HFM1: variants seen among roughly 807,000 people sequenced by gnomAD.
HFM1 encodes probable ATP-dependent DNA helicase HFM1.
In HFM1, 169 loss-of-function variants were observed where a neutral mutation model predicts 192.1. That is an observed-to-expected ratio of 0.88 (90% CI 0.78 to 1.00). The LOEUF (loss-of-function observed/expected upper bound fraction) is 1.00, where lower values mean the gene tolerates loss of function less well. Among genes scored for constraint, HFM1 ranks in the 50% least tolerant of loss-of-function variants. The probability of loss-of-function intolerance (pLI) is 0.00; values close to 1 mark genes in which losing one functional copy is unlikely to be tolerated. For missense variants in HFM1, 1,661 were observed against 1,668.0 expected (o/e 1.00, Z 0.07); for synonymous variants, 525 against 537.8 (o/e 0.98, Z 0.33).
chr1:91,359,150 GAGAA>G (rs1451854689), intron 13 of HFM1, among the ~76,000 whole-genome samples: 3 of 152,252 alleles, frequency 2.0e-5, no homozygotes, highest in African/African-American at 7.2e-5. Context: ...CCACAAAGAT[GAGAA>G]AGAGTCAACG....
At chr1:91,310,017 T>C (rs1025944486) in intron 30 of HFM1, among the ~76,000 whole-genome samples, 10 of 151,870 alleles carry the variant, frequency 6.6e-5, no homozygotes, top group Non-Finnish European at 1.3e-4. Flanking sequence ...GAACAGCATA[T>C]TACTCTGCAT....
chr1:91,396,320 C>A lies in HFM1; in HGVS notation c.157G>T (p.Glu53Ter). ...SEIPDTQELE[E>*]ELESHKLLGQ... ...AACAGTTTATGACTTTCTAATTCTT[C>A]CTCTAACTCCTGAGTATCTGGAATT... The change falls in exon 3 of 39, where the codon GAA becomes TAA. Residue 53 changes from glutamate (E) to a stop codon, truncating the protein, a stop_gained. Coordinates refer to ENST00000370425, the MANE Select transcript of HFM1 (RefSeq NM_001017975.6). LOFTEE classifies it high-confidence loss of function. The A allele has an allele frequency of 6.3e-7, 1 of 1,582,746 alleles. No individual in the cohort carries two copies. The highest frequency in any genetic ancestry group is 8.7e-7 in the Non-Finnish European group (1 of 1,155,748).
chr1:91,386,374 G>A (rs1662220038), intron 4 of HFM1, among the ~76,000 whole-genome samples: 1 of 152,202 alleles, frequency 6.6e-6, no homozygotes, highest in Non-Finnish European at 1.5e-5. Flanking sequence ...ACCTTGAAGA[G>A]AGACCTGATA....
chr1:91,261,406 T>C, intron 38 of HFM1, 47 bp from the exon 39 acceptor site: 1 of 865,208 alleles, frequency 1.2e-6, no homozygotes, highest in Non-Finnish European at 1.6e-6. Flanking sequence ...TTAACACAAT[T>C]TATTTTAAAA....
chr1:91,324,642 T>A, intron 21 of HFM1, 33 bp downstream of exon 21: 1 of 928,756 alleles, frequency 1.1e-6, no homozygotes, highest in Admixed American at 1.9e-5. Context: ...ACTATACCAC[T>A]ATGTATTTTT....
intron 2 of HFM1, among the ~76,000 whole-genome samples, chr1:91,397,407 A>AT (rs1023240279): frequency 1.3e-5 from 2 of 152,206 alleles, no homozygotes; most frequent in African/African-American, 4.8e-5. Context: ...GGACAAAAAG[A>AT]TAAGTGTTAG....
chr1:91,342,058 T>C (rs1439715884), intron 20 of HFM1, among the ~76,000 whole-genome samples: 2 of 147,648 alleles, frequency 1.4e-5, no homozygotes, highest in East Asian at 4.0e-4. Context: ...TCCAAAAATT[T>C]GAGGAGGGAC....
At chr1:91,307,497 G>C (rs1359797749) in intron 30 of HFM1, among the ~76,000 whole-genome samples, 1 of 152,034 alleles carries the variant, frequency 6.6e-6, no homozygotes, top group African/African-American at 2.4e-5. Flanking sequence ...CTGTTACCCA[G>C]GCTGGAGTGC....
chr1:91,354,529 A>G (rs905576791), intron 13 of HFM1, among the ~76,000 whole-genome samples: 1 of 152,104 alleles, frequency 6.6e-6, no homozygotes, highest in Non-Finnish European at 1.5e-5. Flanking sequence ...AAAGGTCCTC[A>G]CTGAGGCACA....
chr1:91,401,867 A>T (rs2102219497), intron 1 of HFM1, among the ~76,000 whole-genome samples: 1 of 152,194 alleles, frequency 6.6e-6, no homozygotes, highest in East Asian at 1.9e-4. Context: ...AGCATTGGCC[A>T]CCTTTGAACA....
At chr1:91,274,834 C>A in intron 32 of HFM1, 25 bp from the exon 33 acceptor site, 2 of 1,236,574 alleles carry the variant, frequency 1.6e-6, no homozygotes, top group South Asian at 1.3e-5. Context: ...AAAATAAGTT[C>A]AACTATCAGT....
chr1:91,353,296 T>C lies in HFM1; in HGVS notation c.1689A>G (p.Leu563=), dbSNP rs1188635804. The part of the protein sequence containing the change: ...FIMTVEQKQR[L]QKYAYSVRDS... ...CTCTTACGGAATATGCATACTTCTG[T>C]AACCTATTTAAAAATACCATAAAAT... The change falls in exon 14 of 39, where the codon TTA becomes TTG. Residue 563 remains leucine (L), a synonymous_variant. Transcript: ENST00000370425. The C allele has an allele frequency of 6.5e-7, 1 of 1,536,634 alleles. No homozygotes were observed. The highest frequency in any genetic ancestry group is 1.4e-5 in the African/African-American group (1 of 72,820).
chr1:91,394,413 G>A lies in HFM1; in HGVS notation c.185-11C>T. On this transcript the variant is annotated splice_polypyrimidine_tract_variant and intron_variant, in intron 3 of 38. Transcript: ENST00000370425. ...GCCTCTTTTCCTGACCTACAAAAAA[G>A]GAATATCTTAATTATTACATGTTCT... 3 of 1,372,204 alleles carry A rather than the reference G, an allele frequency of 2.2e-6. No homozygotes were observed. The highest frequency in any genetic ancestry group is 2.3e-5 in the East Asian group (1 of 42,764). The allele number at this position is 1,372,204 out of a possible 1,614,324, so 85.0% of individuals were successfully genotyped here.
In HFM1 at chr1:91,319,186, G is replaced by T. The variant is rs759913049; in HGVS notation, c.2704C>A (p.Gln902Lys). The change falls in exon 25 of 39, where the codon CAA becomes AAA. Residue 902 changes from glutamine to lysine, a missense_variant. Coordinates refer to ENST00000370425, the MANE Select transcript of HFM1 (RefSeq NM_001017975.6). ...AATAGTACAGCAAACTTCTTTTCTT[G>T]AGCAGCTACAAAATCTGACAACCCT... ...TRWLSDFVAA[Q>K]EKKFAVLLNS... is the part of the protein sequence containing the mutation. 44 of 1,607,844 alleles carry T rather than the reference G, an allele frequency of 2.7e-5. No homozygotes were observed. Among genetic ancestry groups the T allele is most frequent in the Non-Finnish European group, 3.6e-5 (43 of 1,178,212 alleles).
At chr1:91,284,840 G>A (rs529628261) in intron 30 of HFM1, among the ~76,000 whole-genome samples, 9 of 152,110 alleles carry the variant, frequency 5.9e-5, no homozygotes, top group Non-Finnish European at 8.8e-5. Flanking sequence ...AACCATATGT[G>A]AGAAACTGCA....
intron 30 of HFM1, among the ~76,000 whole-genome samples, chr1:91,305,140 T>C (rs1173153418): frequency 1.3e-5 from 2 of 152,186 alleles, no homozygotes; most frequent in Non-Finnish European, 2.9e-5. Flanking sequence ...CAAGGTTGGC[T>C]TAGCTATTCT....
intron 31 of HFM1, 116 bp from the exon 32 acceptor site, chr1:91,276,859 G>T: frequency 2.5e-6 from 2 of 809,720 alleles, no homozygotes; most frequent in Non-Finnish European, 3.9e-6. Context: ...CCCACAGAGA[G>T]AAAATTATTT....
At chr1:91,280,055 T>C (rs1667323548) in intron 30 of HFM1, among the ~76,000 whole-genome samples, 1 of 152,182 alleles carries the variant, frequency 6.6e-6, no homozygotes, top group Non-Finnish European at 1.5e-5. Flanking sequence ...AACAAATATA[T>C]TAATGTATAT....
intron 30 of HFM1, among the ~76,000 whole-genome samples, chr1:91,302,501 C>T (rs914176169): frequency 2.7e-4 from 41 of 152,148 alleles, no homozygotes; most frequent in African/African-American, 9.4e-4. Context: ...TATTGTGGCC[C>T]TATTCACAAT....
Sources: allele counts gnomAD v4.1 joint callset (sites outside exome capture counted in the v4.1 genomes callset), GRCh38; gene constraint gnomAD v4.1.1; transcripts MANE v1.5; gene names NCBI Gene and HGNC (gene_info 2026-07-23, HGNC 2026-07-21).